ATR: variants seen among roughly 807,000 people sequenced by gnomAD.
ATR encodes serine/threonine-protein kinase ATR.
A neutral mutation model predicts 305.3 loss-of-function variants in ATR; 142 were observed. That is an observed-to-expected ratio of 0.47 (90% CI 0.41 to 0.53). The LOEUF (loss-of-function observed/expected upper bound fraction) is 0.53, where lower values mean the gene tolerates loss of function less well. ATR is among the 20% of genes least tolerant of loss of function. The pLI is 0.00. For missense variants in ATR, 2,135 were observed against 3,133.1 expected, an observed-to-expected ratio of 0.68 and a Z score of 7.60; for synonymous variants, 1,050 against 1,068.1, an observed-to-expected ratio of 0.98 and a Z score of 0.33.
intron 36 of ATR, among the ~76,000 whole-genome samples, chr3:142,479,875 G>A (rs562235732): frequency 4.5e-4 from 68 of 152,122 alleles, no homozygotes; most frequent in Admixed American, 1.2e-3. Flanking sequence ...CCAGTTGATC[G>A]AATCGGCTAC....
chr3:142,495,560 C>T (rs1030192808), intron 34 of ATR, among the ~76,000 whole-genome samples: 5 of 151,940 alleles, frequency 3.3e-5, no homozygotes, highest in South Asian at 2.1e-4. Context: ...CTGGCTAACA[C>T]GGTGAAACCC....
chr3:142,455,826 G>A lies in ATR; in HGVS notation c.7655+1778C>T, dbSNP rs184257972. On this transcript the variant is annotated intron_variant, in intron 45 of 46. Coordinates refer to ENST00000350721, the MANE Select transcript of ATR (RefSeq NM_001184.4). ...TGTAAATCTTCATGACTTTGGATTA[G>A]GGAATAGTTTCTTAGATATGACAAC... Among the ~76,000 whole-genome samples, 362 of 152,248 alleles carry A rather than the reference G, an allele frequency of 2.4e-3. 3 individuals are homozygous for A. The highest frequency in any genetic ancestry group is 8.1e-3 in the African/African-American group (336 of 41,528).
intron 13 of ATR, among the ~76,000 whole-genome samples, chr3:142,552,964 G>T (rs964060211): frequency 6.6e-6 from 1 of 151,838 alleles, no homozygotes; most frequent in Non-Finnish European, 1.5e-5. Flanking sequence ...TAAGGGGGGT[G>T]GGGGAAGGGA....
At chr3:142,479,459 T>C (rs1460654887) in intron 36 of ATR, among the ~76,000 whole-genome samples, 1 of 152,224 alleles carries the variant, frequency 6.6e-6, no homozygotes, top group Non-Finnish European at 1.5e-5. Context: ...AGAGATCAGC[T>C]GTTAGTCTGA....
intron 16 of ATR, among the ~76,000 whole-genome samples, chr3:142,545,087 T>C (rs1329089348): frequency 6.6e-6 from 1 of 152,198 alleles, no homozygotes; most frequent in Non-Finnish European, 1.5e-5. Flanking sequence ...CCTACCAATA[T>C]ATTATCTATC....
intron 35 of ATR, among the ~76,000 whole-genome samples, chr3:142,489,885 A>G (rs577590733): frequency 1.3e-5 from 2 of 152,296 alleles, no homozygotes; most frequent in South Asian, 4.1e-4. Context: ...TATTGCATTA[A>G]TAGGTATTGC....
intron 30 of ATR, among the ~76,000 whole-genome samples, chr3:142,501,823 C>A (rs1367359536): frequency 6.6e-6 from 1 of 152,168 alleles, no homozygotes; most frequent in Non-Finnish European, 1.5e-5. Flanking sequence ...CAGCTCACTG[C>A]AACCTCCATC....
chr3:142,573,682 C>T (rs1459227430), intron 1 of ATR, among the ~76,000 whole-genome samples: 1 of 152,030 alleles, frequency 6.6e-6, no homozygotes, highest in African/African-American at 2.4e-5. Flanking sequence ...AACAATTGAT[C>T]CTAACAATAT....
intron 20 of ATR, among the ~76,000 whole-genome samples, chr3:142,535,813 G>A (rs545412751): frequency 9.9e-5 from 15 of 152,232 alleles, no homozygotes; most frequent in Non-Finnish European, 1.5e-4. Context: ...CTGTGGTAGC[G>A]CTTCTTTTTG....
At chr3:142,483,165 G>A (rs1431893412) in intron 36 of ATR, among the ~76,000 whole-genome samples, 2 of 150,466 alleles carry the variant, frequency 1.3e-5, no homozygotes, top group South Asian at 2.1e-4. Context: ...ACCACCACCC[G>A]TGGCTTACAG....
intron 36 of ATR, among the ~76,000 whole-genome samples, chr3:142,483,346 T>G (rs1161559305): frequency 6.6e-6 from 1 of 152,158 alleles, no homozygotes; most frequent in Non-Finnish European, 1.5e-5. Flanking sequence ...TAATAATTTA[T>G]AAAAACATAA....
intron 36 of ATR, among the ~76,000 whole-genome samples, chr3:142,479,686 C>G (rs1202503031): frequency 6.6e-6 from 1 of 152,202 alleles, no homozygotes; most frequent in African/African-American, 2.4e-5. Flanking sequence ...AGAGTGTTTT[C>G]CAACTTGTTT....
chr3:142,508,215 A>G, intron 27 of ATR, 106 bp from the exon 28 acceptor site: 1 of 924,796 alleles, frequency 1.1e-6, no homozygotes, highest in Non-Finnish European at 1.6e-6. Flanking sequence ...AATTAATCTG[A>G]ATATATTAGG....
intron 36 of ATR, among the ~76,000 whole-genome samples, chr3:142,474,380 C>T (rs528386472): frequency 7.0e-4 from 107 of 152,130 alleles, no homozygotes; most frequent in Non-Finnish European, 1.1e-3. Context: ...GGATATCTTT[C>T]CATTTGTTCA....
intron 5 of ATR, 99 bp from the exon 6 acceptor site, chr3:142,560,553 T>A: frequency 8.2e-7 from 1 of 1,225,882 alleles, no homozygotes; most frequent in Non-Finnish European, 1.1e-6. Context: ...TAATATCAAC[T>A]ATTCAAAAAA....
chr3:142,530,854 T>G (rs1418780030), intron 21 of ATR, among the ~76,000 whole-genome samples: 1 of 152,202 alleles, frequency 6.6e-6, no homozygotes, highest in Non-Finnish European at 1.5e-5. Flanking sequence ...CTGTAGCCAG[T>G]AGTCTGACAT....
At chr3:142,559,216 A>C in intron 7 of ATR, 35 bp downstream of exon 7, 2 of 1,589,024 alleles carry the variant, frequency 1.3e-6, no homozygotes, top group Non-Finnish European at 1.7e-6. Context: ...ATTATCTTTA[A>C]AGGTTATTCT....
intron 2 of ATR, 102 bp downstream of exon 2, chr3:142,567,961 C>T: frequency 9.6e-6 from 9 of 942,024 alleles, no homozygotes; most frequent in Non-Finnish European, 1.4e-5. Flanking sequence ...ATCATAAATA[C>T]TCCATATCTA....
At chr3:142,550,691 T>C (rs935964795) in intron 13 of ATR, among the ~76,000 whole-genome samples, 1 of 152,204 alleles carries the variant, frequency 6.6e-6, no homozygotes, top group African/African-American at 2.4e-5. Context: ...CCTCCCTCAT[T>C]TATAACCTGT....
Sources: gnomAD v4.1 joint callset for allele counts (sites outside exome capture counted in the v4.1 genomes callset) on GRCh38, gnomAD v4.1.1 for gene constraint, MANE v1.5 for transcripts, NCBI Gene and HGNC (gene_info 2026-07-23, HGNC 2026-07-21) for gene names.